The following SEL1L variants were observed in gnomAD, a reference collection of about 807,000 sequenced individuals.
The protein encoded by SEL1L is SEL1L adaptor subunit of SYVN1 ubiquitin ligase.
A neutral mutation model predicts 109.8 loss-of-function variants in SEL1L; 52 were observed. The observed-to-expected ratio is 0.47, with a 90% CI of 0.38 to 0.60. The LOEUF (loss-of-function observed/expected upper bound fraction) is 0.60, where lower values mean the gene tolerates loss of function less well. SEL1L is among the 20% of genes least tolerant of loss of function. The pLI, the probability that SEL1L is intolerant of heterozygous loss-of-function variation, is 0.00. For synonymous variants in SEL1L, 373 were observed against 339.6 expected (o/e 1.10, Z -1.08); for missense variants, 749 against 962.2 (o/e 0.78, Z 2.93).
chr14:81,508,134 T>C (rs1884314660), intron 3 of SEL1L, among the ~76,000 whole-genome samples: 1 of 152,142 alleles, frequency 6.6e-6, no homozygotes, highest in Admixed American at 6.5e-5. Context: ...CTAGAAAGTA[T>C]CCCTTCTATC....
chr14:81,479,604 C>A lies in SEL1L; in HGVS notation c.2175+8G>T, dbSNP rs1903280389. The A allele has an allele frequency of 6.2e-7, 1 of 1,602,246 alleles. No homozygotes were observed. Among genetic ancestry groups the A allele is most frequent in the Non-Finnish European group, 8.5e-7 (1 of 1,176,128 alleles). ...ATATTTTAATGAAAAGAGGTACGGACCACTTACGTTTGTTTCCCGTATGTA... is the reference window on the plus strand; with the variant it reads ...ATATTTTAATGAAAAGAGGTACGGAACACTTACGTTTGTTTCCCGTATGTA... On this transcript the variant is annotated splice_region_variant and intron_variant, in intron 20 of 20. Coordinates refer to ENST00000336735, the MANE Select transcript of SEL1L (RefSeq NM_005065.6).
chr14:81,504,484 A>AT (rs1566978063), intron 4 of SEL1L, among the ~76,000 whole-genome samples, 178 bp from the exon 5 acceptor site: 1 of 142,288 alleles, frequency 7.0e-6, no homozygotes, highest in African/African-American at 3.1e-5. Context: ...AAACTTAAAA[A>AT]AAATATATAT....
chr14:81,498,334 G>A lies in SEL1L; in HGVS notation c.973+79C>T, dbSNP rs190941544. 165 of 1,209,000 alleles carry A rather than the reference G, an allele frequency of 1.4e-4. No individual in the cohort carries two copies. The African/African-American group carries it at 2.3e-3, about 17-fold the overall frequency. 74.9% of individuals were successfully genotyped at this position (1,209,000 alleles called of 1,614,324 possible). On this transcript the variant is annotated intron_variant, in intron 9 of 20. Transcript: ENST00000336735. ...AGAGCCATTTATAATACTTCAAATA[G>A]AACAATAAAAATAGAAATGTTTAAA...
At chr14:81,499,066 T>A (rs541689214) in intron 8 of SEL1L, 1 of 882,410 alleles carries the variant, frequency 1.1e-6, no homozygotes, top group African/African-American at 1.8e-5. Flanking sequence ...AAATATTGTA[T>A]AATATTTCAT....
chr14:81,497,753 C>G, intron 10 of SEL1L, 139 bp downstream of exon 10: 1 of 705,580 alleles, frequency 1.4e-6, no homozygotes, highest in South Asian at 2.5e-5. Context: ...TTAAGGGGCT[C>G]AGGTGATTCT....
chr14:81,523,299 A>G (rs1884996149), intron 3 of SEL1L, among the ~76,000 whole-genome samples: 1 of 152,182 alleles, frequency 6.6e-6, no homozygotes, highest in Non-Finnish European at 1.5e-5. Context: ...GATTTAATCA[A>G]TTATGCCTGC....
Position 81,475,821 on chromosome 14 carries a change from A to G in SEL1L, c.*1151T>C, listed in dbSNP as rs1903142276. The G allele has an allele frequency of 6.6e-6, 1 of 152,218 alleles. No individual in the cohort carries two copies. The highest frequency in any genetic ancestry group is 1.5e-5 in the Non-Finnish European group (1 of 68,050). The allele number at this position is 152,218 out of a possible 1,614,324, so 9.4% of individuals were successfully genotyped here. A position where few individuals can be genotyped will look rare whatever the true frequency, so the allele number is the denominator to read the frequency against. Reference sequence around the variant, plus strand: ...ATAGCTAAGCAGTGGCTGGCTTTCTATTATAATATAAAACTATCAGAAATA... The same window carrying G: ...ATAGCTAAGCAGTGGCTGGCTTTCTGTTATAATATAAAACTATCAGAAATA... On this transcript the variant is annotated 3_prime_UTR_variant, in exon 21 of 21. Coordinates refer to ENST00000336735, the MANE Select transcript of SEL1L (RefSeq NM_005065.6).
chr14:81,533,735 G>C lies in SEL1L; in HGVS notation c.10C>G (p.Arg4Gly). MRV[R>G]IGLTLLLCAV... is the part of the protein sequence containing the mutation. ...CACAGCAGCAGCGTCAGCCCTATCCGGACCCGCATCCTCCTCTCGGGGCCG... is the reference window on the plus strand; with the variant it reads ...CACAGCAGCAGCGTCAGCCCTATCCCGACCCGCATCCTCCTCTCGGGGCCG... The change falls in exon 1 of 21, where the codon CGG becomes GGG. Residue 4 changes from arginine (R) to glycine (G), a missense_variant. By Grantham distance (125) the Arg-to-Gly change is moderately radical (BLOSUM62 -2). Coordinates refer to ENST00000336735, the MANE Select transcript of SEL1L (RefSeq NM_005065.6). 2 of 1,613,432 alleles carry C rather than the reference G, an allele frequency of 1.2e-6. No homozygotes were observed. Among genetic ancestry groups the C allele is most frequent in the Non-Finnish European group, 1.7e-6 (2 of 1,179,786 alleles).
At chr14:81,505,429 A>C (rs1884199854) in intron 4 of SEL1L, among the ~76,000 whole-genome samples, 1 of 152,192 alleles carries the variant, frequency 6.6e-6, no homozygotes, top group African/African-American at 2.4e-5. Context: ...TAACTGGAGT[A>C]CCCAGTCACG....
Position 81,505,191 on chromosome 14 carries a change from T to C in SEL1L, c.508+883A>G, listed in dbSNP as rs560768744. Among the ~76,000 whole-genome samples the C allele has an allele frequency of 2.2e-3, 330 of 152,342 alleles. 1 individual carries two copies. Among genetic ancestry groups the C allele is most frequent in the Middle Eastern group, 0.01 (3 of 294 alleles). Reference sequence around the variant, plus strand: ...CAAGGTGAAAATATTTGATTAACTATATAATACAAGTTAGTAAAAAATTTT... The same window carrying C: ...CAAGGTGAAAATATTTGATTAACTACATAATACAAGTTAGTAAAAAATTTT... On this transcript the variant is annotated intron_variant, in intron 4 of 20. Transcript: ENST00000336735.
At chr14:81,495,805 T>C (rs963563188) in intron 10 of SEL1L, among the ~76,000 whole-genome samples, 5 of 151,196 alleles carry the variant, frequency 3.3e-5, no homozygotes, top group South Asian at 2.1e-4. Context: ...GGTGTGGTGA[T>C]GGACATCTGT....
intron 3 of SEL1L, among the ~76,000 whole-genome samples, chr14:81,525,501 A>G (rs1267527607): frequency 1.3e-5 from 2 of 150,204 alleles, no homozygotes; most frequent in African/African-American, 4.8e-5. Flanking sequence ...AAATGGTAAT[A>G]CACACTTGGG....
In SEL1L at chr14:81,474,917, C is replaced by T. The variant is rs910257105; in HGVS notation, c.*2055G>A. On this transcript the variant is annotated 3_prime_UTR_variant, in exon 21 of 21. Coordinates refer to ENST00000336735, the MANE Select transcript of SEL1L (RefSeq NM_005065.6). ...CACACACTGTTTTAAGAAATGTTTT[C>T]TCAAAGCACGTACTCAATGGAGGGA... is the stretch of plus-strand genomic sequence containing the variant. 6.6e-6 allele frequency: 1 copy of T among 152,170 alleles called. No individual in the cohort carries two copies. Among genetic ancestry groups the T allele is most frequent in the South Asian group, 2.1e-4 (1 of 4,830 alleles). 9.4% of individuals were successfully genotyped at this position (152,170 alleles called of 1,614,324 possible).
At chr14:81,512,525 C>G (rs1382357485) in intron 3 of SEL1L, among the ~76,000 whole-genome samples, 2 of 152,144 alleles carry the variant, frequency 1.3e-5, no homozygotes, top group Non-Finnish European at 2.9e-5. Flanking sequence ...TCCTGAGGAC[C>G]CAGGCCCTGA....
chr14:81,516,766 GA>G (rs1455662885), intron 3 of SEL1L, among the ~76,000 whole-genome samples: 5 of 152,174 alleles, frequency 3.3e-5, no homozygotes, highest in Admixed American at 6.5e-5. Flanking sequence ...CTCCCTGGTA[GA>G]CAACATTTCA....
chr14:81,507,599 AC>A (rs1363719873), intron 3 of SEL1L, among the ~76,000 whole-genome samples: 1 of 147,824 alleles, frequency 6.8e-6, no homozygotes, highest in African/African-American at 2.7e-5. Flanking sequence ...AAAAACCCAC[AC>A]AAAAAAAACA....
intron 20 of SEL1L, 39 bp downstream of exon 20, chr14:81,479,573 T>C: frequency 6.3e-7 from 1 of 1,576,872 alleles, no homozygotes; most frequent in African/African-American, 1.4e-5. Context: ...AGACCTTCCA[T>C]CATTTATATT....
chr14:81,509,240 T>C (rs2140030099), intron 3 of SEL1L, among the ~76,000 whole-genome samples: 1 of 152,348 alleles, frequency 6.6e-6, no homozygotes, highest in Middle Eastern at 3.4e-3. Flanking sequence ...TTAATTTTCT[T>C]TCTATGGAGA....
Position 81,499,600 on chromosome 14 carries a change from T to A in SEL1L, c.831+9A>T. On this transcript the variant is annotated intron_variant, in intron 7 of 20. Coordinates refer to ENST00000336735, the MANE Select transcript of SEL1L (RefSeq NM_005065.6). ...ATTGTAATATGCAATAAAGTTTTAA[T>A]AGTATTACCTTTGCCTGACTTGAAT... 6.2e-7 allele frequency: 1 copy of A among 1,610,890 alleles called. No individual in the cohort carries two copies. Among genetic ancestry groups the A allele is most frequent in the Non-Finnish European group, 8.5e-7 (1 of 1,179,334 alleles).
Sources: allele counts gnomAD v4.1 joint callset (sites outside exome capture counted in the v4.1 genomes callset), GRCh38; gene constraint gnomAD v4.1.1; transcripts MANE v1.5; gene names NCBI Gene and HGNC (gene_info 2026-07-23, HGNC 2026-07-21).